The following MYOM3 variants were observed in gnomAD, a reference collection of about 807,000 sequenced individuals.
MYOM3 encodes the protein myomesin-3.
A neutral mutation model predicts 191.7 loss-of-function variants in MYOM3; 155 were observed. That is an observed-to-expected ratio of 0.81 (90% CI 0.71 to 0.92). MYOM3 has a LOEUF of 0.92. Ranked by LOEUF, MYOM3 falls within the 40% of genes least tolerant of loss-of-function variation. MYOM3 has a pLI of 0.00. For missense variants in MYOM3, 1,889 were observed against 1,890.6 expected (o/e 1.00, Z 0.02); for synonymous variants, 757 against 762.9 (o/e 0.99, Z 0.13).
Position 24,063,459 on chromosome 1 carries a change from G to A in MYOM3, c.3661+33C>T. 6.2e-7 allele frequency: 1 copy of A among 1,613,916 alleles called. No individual in the cohort carries two copies. Among genetic ancestry groups the A allele is most frequent in the Non-Finnish European group, 8.5e-7 (1 of 1,179,828 alleles). On this transcript the variant is annotated intron_variant, in intron 31 of 36. Coordinates refer to ENST00000374434, the MANE Select transcript of MYOM3 (RefSeq NM_152372.4). The surrounding 1 kb of genome is among the most constrained non-coding windows in gnomAD (Gnocchi z 4.5). ...TTGGAGGCTGTTGGGCATCAGGGCA[G>A]GGCAGGGCTGGGCAAAGAGGCAGGC... is the stretch of plus-strand genomic sequence containing the variant.
Position 24,067,386 on chromosome 1 carries a change from T to C in MYOM3, c.3356-298A>G, listed in dbSNP as rs1486829819. Among the ~76,000 whole-genome samples the C allele has an allele frequency of 3.8e-4, 18 of 47,858 alleles. 1 individual carries two copies. The highest frequency in any genetic ancestry group is 4.9e-4 in the African/African-American group (6 of 12,308). The allele number at this position is 47,858 out of a possible 152,430, so 31.4% of individuals were successfully genotyped here. ...TTTCTTTCTTTCCTTCTTTCTTTCT[T>C]TTTCCTTCCTTCCTTCCTTCCTTCC... is the stretch of plus-strand genomic sequence containing the variant. On this transcript the variant is annotated intron_variant, in intron 27 of 36. Coordinates refer to ENST00000374434, the MANE Select transcript of MYOM3 (RefSeq NM_152372.4).
intron 19 of MYOM3, 97 bp downstream of exon 19, chr1:24,081,233 T>C: frequency 1.3e-6 from 2 of 1,492,188 alleles, no homozygotes; most frequent in Non-Finnish European, 1.8e-6. Flanking sequence ...AGTGCAAGCC[T>C]GAATGCATAG....
chr1:24,097,176 G>C (rs1428319942), intron 7 of MYOM3, among the ~76,000 whole-genome samples: 1 of 152,208 alleles, frequency 6.6e-6, no homozygotes, highest in African/African-American at 2.4e-5. Flanking sequence ...GGGGTCAGGT[G>C]GGGAGTTGCT....
intron 9 of MYOM3, among the ~76,000 whole-genome samples, chr1:24,093,577 G>C (rs950577405): frequency 6.6e-6 from 1 of 152,032 alleles, no homozygotes; most frequent in Non-Finnish European, 1.5e-5. Context: ...GTCAGGTAAG[G>C]GAGTGAGGGC....
chr1:24,103,477 T>A (rs1643957110), intron 5 of MYOM3, among the ~76,000 whole-genome samples: 1 of 152,224 alleles, frequency 6.6e-6, no homozygotes, highest in Non-Finnish European at 1.5e-5. Context: ...AAAGTAACAC[T>A]TATAATGGAA....
intron 14 of MYOM3, among the ~76,000 whole-genome samples, chr1:24,089,312 G>A (rs1042709101): frequency 6.6e-5 from 10 of 152,202 alleles, no homozygotes; most frequent in African/African-American, 2.4e-4. Context: ...GTATTTCCAC[G>A]AACAGCCTCA....
At chr1:24,110,323 CT>C (rs1644027636) in intron 1 of MYOM3, among the ~76,000 whole-genome samples, 1 of 149,626 alleles carries the variant, frequency 6.7e-6, no homozygotes, top group African/African-American at 2.5e-5. Context: ...CTAGAGGGTC[CT>C]GCTGGAGGTG....
intron 24 of MYOM3, among the ~76,000 whole-genome samples, chr1:24,071,637 TC>T (rs1261222430): frequency 1.3e-5 from 2 of 152,090 alleles, no homozygotes; most frequent in African/African-American, 2.4e-5. Flanking sequence ...GTTTGTGACC[TC>T]CCCTGCTCTA....
intron 28 of MYOM3, chr1:24,066,206 C>T: frequency 1.4e-6 from 1 of 717,722 alleles, no homozygotes; most frequent in South Asian, 1.5e-5. Context: ...TGGAAATGTC[C>T]ATGTGCTTCA....
chr1:24,092,878 C>T (rs1643856740), intron 10 of MYOM3, 69 bp downstream of exon 10: 3 of 1,393,292 alleles, frequency 2.2e-6, no homozygotes, highest in East Asian at 5.4e-5. Flanking sequence ...TAAGGTTCCA[C>T]AGCAAACAAG....
At chr1:24,061,339 C>T in intron 33 of MYOM3, 30 bp from the exon 34 acceptor site, 2 of 1,611,890 alleles carry the variant, frequency 1.2e-6, no homozygotes, top group Non-Finnish European at 1.7e-6. Context: ...GAATGGGGGC[C>T]ATCAGGGCCT....
rs569418227 is a variant in MYOM3 at position 24,089,597 on chromosome 1, G to A, written c.1555C>T (p.Leu519=). ...ASEIREAYVV[L]AWEEPSPRDR... The stretch of plus-strand genomic sequence containing the variant: ...CGGGGGCTGGGCTCCTCCCAGGCCA[G>A]AACCACATAGGCCTCTCGGATCTCG... The change falls in exon 14 of 37, where the codon CTG becomes TTG. Residue 519 remains leucine (L), a synonymous_variant. Transcript: ENST00000374434. 1 of 1,596,336 alleles carries A rather than the reference G, an allele frequency of 6.3e-7. No homozygotes were observed. The highest frequency in any genetic ancestry group is 1.3e-5 in the African/African-American group (1 of 74,854).
intron 9 of MYOM3, 109 bp from the exon 10 acceptor site, chr1:24,093,217 T>C: frequency 1.5e-6 from 1 of 688,398 alleles, no homozygotes; most frequent in Non-Finnish European, 2.5e-6. Flanking sequence ...AGAGAGAGGC[T>C]GGTGAGGCTC....
Position 24,090,677 on chromosome 1 carries a change from G to T in MYOM3, c.1432+120C>A, listed in dbSNP as rs1379607524. ...ATCAGACTAGTGTTTACTGAGGGCT[G>T]GGCTGTGCTTCCTCCACCAGACTCG... On this transcript the variant is annotated intron_variant, in intron 12 of 36. Coordinates refer to ENST00000374434, the MANE Select transcript of MYOM3 (RefSeq NM_152372.4). 7.4e-6 allele frequency: 7 copies of T among 941,732 alleles called. No homozygotes were observed. The African/African-American group carries it at 8.2e-5, about 11-fold the overall frequency. 58.3% of individuals were successfully genotyped at this position (941,732 alleles called of 1,614,324 possible).
intron 5 of MYOM3, among the ~76,000 whole-genome samples, chr1:24,102,309 C>T (rs1191542794): frequency 6.6e-6 from 1 of 152,200 alleles, no homozygotes; most frequent in Middle Eastern, 3.2e-3. Flanking sequence ...CTCTCCAGCT[C>T]TCCAGGCCTG....
chr1:24,097,851 G>C lies in MYOM3; in HGVS notation c.745+72C>G, dbSNP rs1472348135. 4.0e-5 allele frequency: 41 copies of C among 1,017,092 alleles called. No homozygotes were observed. In the East Asian group the frequency reaches 8.8e-4, roughly 22 times the overall value. 63.0% of individuals were successfully genotyped at this position (1,017,092 alleles called of 1,614,324 possible). A position where few individuals can be genotyped will look rare whatever the true frequency, so the allele number is the denominator to read the frequency against. On this transcript the variant is annotated intron_variant, in intron 7 of 36. Transcript: ENST00000374434. ...ATGGCCCTTCCTCAGGTCTCACGCA[G>C]ACCCATGTCCTTGTCTGCCCAGCTT...
rs375554775 is a variant in MYOM3, at chr1:24,064,102, C to T, written c.3592G>A (p.Asp1198Asn). 1.6e-4 allele frequency: 252 copies of T among 1,613,944 alleles called. No homozygotes were observed. Among genetic ancestry groups the T allele is most frequent in the Non-Finnish European group, 2.1e-4 (243 of 1,180,006 alleles). Reference sequence around the variant, plus strand: ...CCCGTGAGGTCCAATATGGTGTCGTCCTCCCCTCGATCGTCAGAAACCATC... The same window carrying T: ...CCCGTGAGGTCCAATATGGTGTCGTTCTCCCCTCGATCGTCAGAAACCATC... ...RAMVSDDRGEDDTILDLTGDA... is the reference protein window; with the variant it reads ...RAMVSDDRGENDTILDLTGDA... The change falls in exon 30 of 37, where the codon GAC becomes AAC. Residue 1198 changes from aspartate to asparagine, a missense_variant. Coordinates refer to ENST00000374434, the MANE Select transcript of MYOM3 (RefSeq NM_152372.4).
At position 24,108,062 on chromosome 1, in the gene MYOM3, T is replaced by G; in HGVS notation, c.173A>C (p.His58Pro). The G allele has an allele frequency of 1.2e-6, 2 of 1,613,714 alleles. No homozygotes were observed. The highest frequency in any genetic ancestry group is 2.2e-5 in the South Asian group (2 of 91,054). ...GGCGTAGTCCGCGGCGCTGAACTCA[T>G]GCTCTTCTTCGCTGCTCCCAGAAGG... ...RRTFRSSEEE[H>P]EFSAADYALA... is the part of the protein sequence containing the mutation. The change falls in exon 3 of 37, where the codon CAT (histidine) becomes CCT (proline). Residue 58 changes from histidine to proline, a missense_variant. Transcript: ENST00000374434.
rs376133064 is a variant in MYOM3, at chr1:24,097,930, G to A, written c.738C>T (p.Leu246=). ...GGGGTTGGGAGGACTTACTGCGGAC[G>A]AGGACTTTGGCGAAGGAGGAGGCCT... The part of the protein sequence containing the change: ...HGQASSFAKV[L]VRTYLGKDAG... Residue 246 remains leucine, a synonymous_variant, in exon 7 of 37, where the codon CTC becomes CTT. Coordinates refer to ENST00000374434, the MANE Select transcript of MYOM3 (RefSeq NM_152372.4). 29 of 1,612,004 alleles carry A rather than the reference G, an allele frequency of 1.8e-5. No individual in the cohort carries two copies. Among genetic ancestry groups the A allele is most frequent in the Middle Eastern group, 1.6e-4 (1 of 6,082 alleles).
Sources: gnomAD v4.1 joint callset for allele counts (sites outside exome capture counted in the v4.1 genomes callset) on GRCh38, gnomAD v4.1.1 for gene constraint, Gnocchi (gnomAD v3.1) non-coding constraint, MANE v1.5 for transcripts, NCBI Gene and HGNC (gene_info 2026-07-23, HGNC 2026-07-21) for gene names.